The following GRM3 variants were observed in gnomAD, a reference collection of about 807,000 sequenced individuals.
GRM3 encodes metabotropic glutamate receptor 3.
Under a neutral mutation model 70.5 loss-of-function variants are expected in GRM3, and 26 were observed. The ratio of observed to expected loss-of-function variants is 0.37; its 90% CI spans 0.27 to 0.51. GRM3 has a LOEUF of 0.51. Ranked by LOEUF, GRM3 falls within the 20% of genes least tolerant of loss-of-function variation. GRM3 has a pLI of 0.93. For missense variants in GRM3, 859 were observed against 1,123.8 expected (o/e 0.76, Z 3.37); for synonymous variants, 443 against 434.9 (o/e 1.02, Z -0.23).
intron 3 of GRM3, among the ~76,000 whole-genome samples, chr7:86,800,299 C>T (rs1024050955): frequency 3.9e-5 from 6 of 152,048 alleles, no homozygotes; most frequent in Admixed American, 2.0e-4. Context: ...CGGAGAGGAA[C>T]TGAAGGAGAT....
chr7:86,750,111 C>T (rs1011140922), intron 1 of GRM3, among the ~76,000 whole-genome samples: 1 of 151,932 alleles, frequency 6.6e-6, no homozygotes, highest in Non-Finnish European at 1.5e-5. Context: ...TGAGGTTTGT[C>T]GTAAAGTGAT....
intron 1 of GRM3, among the ~76,000 whole-genome samples, chr7:86,710,990 G>A (rs570430142): frequency 1.3e-5 from 2 of 152,056 alleles, no homozygotes; most frequent in African/African-American, 4.8e-5. Flanking sequence ...TTCATGCTTT[G>A]AACCACTCTT....
intron 1 of GRM3, among the ~76,000 whole-genome samples, chr7:86,763,454 A>AAAGAATTC (rs1382155681): frequency 6.6e-6 from 1 of 152,158 alleles, no homozygotes; most frequent in Non-Finnish European, 1.5e-5. Context: ...GCTGAGTGTC[A>AAAGAATTC]AAGAATTCAA....
chr7:86,667,982 C>T (rs1245563601), intron 1 of GRM3, among the ~76,000 whole-genome samples: 1 of 152,170 alleles, frequency 6.6e-6, no homozygotes, highest in Non-Finnish European at 1.5e-5. Flanking sequence ...TCAAAGCTCT[C>T]TCCTGCTCTC....
intron 1 of GRM3, among the ~76,000 whole-genome samples, chr7:86,682,156 C>T (rs954251535): frequency 3.3e-5 from 5 of 152,044 alleles, no homozygotes; most frequent in South Asian, 2.1e-4. Context: ...GATGATAGAC[C>T]GACAGACATA....
chr7:86,704,968 G>C (rs1276535906), intron 1 of GRM3, among the ~76,000 whole-genome samples: 2 of 151,828 alleles, frequency 1.3e-5, no homozygotes, highest in Non-Finnish European at 2.9e-5. Flanking sequence ...TTAATCTTGA[G>C]AATGGTGTTG....
chr7:86,762,348 G>A lies in GRM3; in HGVS notation c.-140-2658G>A, dbSNP rs551484965. ...GCTGAGATTCACACCTAAACAAACA[G>A]ACAAAACATACCCCAGCTGACTCTG... On this transcript the variant is annotated intron_variant, in intron 1 of 5. Coordinates refer to ENST00000361669, the MANE Select transcript of GRM3 (RefSeq NM_000840.3). Among the ~76,000 whole-genome samples, 120 of 152,158 alleles carry A rather than the reference G, an allele frequency of 7.9e-4. No individual in the cohort carries two copies. The Middle Eastern group carries it at 0.02, about 26-fold the overall frequency.
chr7:86,849,395 C>A (rs965129067), intron 4 of GRM3, among the ~76,000 whole-genome samples: 2 of 151,830 alleles, frequency 1.3e-5, no homozygotes, highest in African/African-American at 4.8e-5. Context: ...GTAAGCAAGG[C>A]CTAAAGAATT....
At position 86,839,917 on chromosome 7, in the gene GRM3, A is replaced by T; in HGVS notation, c.2391+12A>T. The stretch of plus-strand genomic sequence containing the variant: ...CAAGTGACTACAGAGTAAGTCTTTG[A>T]TTGTTTCTTATTTTTCTTGTTCTTT... On this transcript the variant is annotated intron_variant, in intron 4 of 5. Transcript: ENST00000361669. This position sits in a 1 kb window ranked among gnomAD's most constrained non-coding sequence, Gnocchi z 4.5. 1 of 1,407,432 alleles carries T rather than the reference A, an allele frequency of 7.1e-7. No homozygotes were observed. Among genetic ancestry groups the T allele is most frequent in the Non-Finnish European group, 1.0e-6 (1 of 994,172 alleles). 87.2% of individuals were successfully genotyped at this position (1,407,432 alleles called of 1,614,324 possible).
chr7:86,677,845 T>C (rs1163394414), intron 1 of GRM3, among the ~76,000 whole-genome samples: 1 of 151,938 alleles, frequency 6.6e-6, no homozygotes, highest in Non-Finnish European at 1.5e-5. Flanking sequence ...GAAATAATAA[T>C]CTAAATAAAT....
At chr7:86,784,671 A>G (rs1450728436) in intron 2 of GRM3, 1 of 152,218 alleles carries the variant, frequency 6.6e-6, no homozygotes, top group Non-Finnish European at 1.5e-5. Flanking sequence ...AGAAGAGAAG[A>G]AATAAATAAT....
intron 1 of GRM3, among the ~76,000 whole-genome samples, chr7:86,739,125 C>CGCCAT (rs1194238501): frequency 3.9e-5 from 6 of 152,190 alleles, no homozygotes; most frequent in East Asian, 1.9e-4. Flanking sequence ...CTACAGGCAC[C>CGCCAT]GCCATTATGC....
intron 4 of GRM3, among the ~76,000 whole-genome samples, chr7:86,842,597 G>A (rs17126): frequency 0.36 from 54,342 of 151,962 alleles, 11,803 homozygotes; most frequent in African/African-American, 0.62. Context: ...CGTGTGGTTC[G>A]GACAGAATTA....
intron 1 of GRM3, among the ~76,000 whole-genome samples, chr7:86,717,749 T>C (rs1308164567): frequency 6.6e-6 from 1 of 151,926 alleles, no homozygotes; most frequent in Admixed American, 6.6e-5. Context: ...TTTACTAAAC[T>C]CTAAGTGAAA....
intron 1 of GRM3, among the ~76,000 whole-genome samples, chr7:86,713,310 T>C (rs1274085198): frequency 6.6e-6 from 1 of 152,100 alleles, no homozygotes; most frequent in Non-Finnish European, 1.5e-5. Flanking sequence ...ATTTTGCTCA[T>C]TTTAAAGTCA....
chr7:86,738,115 T>C (rs1047893718), intron 1 of GRM3, among the ~76,000 whole-genome samples: 4 of 152,048 alleles, frequency 2.6e-5, no homozygotes, highest in African/African-American at 9.7e-5. Flanking sequence ...GCTGTGTATT[T>C]ATTTCCTTGG....
intron 1 of GRM3, among the ~76,000 whole-genome samples, chr7:86,708,892 A>C (rs1483869855): frequency 6.6e-6 from 1 of 152,164 alleles, no homozygotes; most frequent in East Asian, 1.9e-4. Flanking sequence ...AAGGTGTAGG[A>C]GAGTTCCTTC....
At chr7:86,675,163 A>T (rs13223891) in intron 1 of GRM3, among the ~76,000 whole-genome samples, 51,457 of 151,838 alleles carry the variant, frequency 0.34, 9,213 homozygotes, top group African/African-American at 0.45. Context: ...CTACATTTTC[A>T]TGACATATTT....
rs73396499 is a variant in GRM3, at chr7:86,645,015, G to A, written c.-141+143G>A. The A allele has an allele frequency of 1.4e-3, 524 of 377,710 alleles. 2 individuals are homozygous for A. The highest frequency in any genetic ancestry group is 0.01 in the African/African-American group (495 of 47,258). 23.4% of individuals were successfully genotyped at this position (377,710 alleles called of 1,614,324 possible). A position where few individuals can be genotyped will look rare whatever the true frequency, so the allele number is the denominator to read the frequency against. Reference sequence around the variant, plus strand: ...CCTACAGTCCTGACTGGAGTGGGAAGGGTGGAGGGCAGAGGCGATGTGGGT... The same window carrying A: ...CCTACAGTCCTGACTGGAGTGGGAAAGGTGGAGGGCAGAGGCGATGTGGGT... On this transcript the variant is annotated intron_variant, in intron 1 of 5. Transcript: ENST00000361669.
Sources: allele counts gnomAD v4.1 joint callset (sites outside exome capture counted in the v4.1 genomes callset), GRCh38; gene constraint gnomAD v4.1.1; non-coding constraint Gnocchi (gnomAD v3.1); transcripts MANE v1.5; gene names NCBI Gene and HGNC (gene_info 2026-07-23, HGNC 2026-07-21).